Variants in ERG observed in about 807,000 individuals in gnomAD.
ERG encodes the protein transcriptional regulator ERG.
In ERG, 9 loss-of-function variants were observed where a neutral mutation model predicts 55.3. That is an observed-to-expected ratio of 0.16 (90% CI 0.10 to 0.28). The LOEUF (loss-of-function observed/expected upper bound fraction) is 0.28, where lower values mean the gene tolerates loss of function less well. Ranked by LOEUF, ERG falls within the 10% of genes least tolerant of loss-of-function variation. The pLI is 1.00. For missense variants in ERG, 434 were observed against 631.6 expected (o/e 0.69, Z 3.35); for synonymous variants, 223 against 237.3 (o/e 0.94, Z 0.55).
chr21:38,617,600 C>T (rs1257764628), intron 1 of ERG, among the ~76,000 whole-genome samples: 1 of 152,184 alleles, frequency 6.6e-6, no homozygotes, highest in African/African-American at 2.4e-5. Flanking sequence ...GCTTGCTTAA[C>T]CTTTCTTCCT....
At chr21:38,504,336 T>G (rs2059444385) in intron 2 of ERG, among the ~76,000 whole-genome samples, 1 of 152,160 alleles carries the variant, frequency 6.6e-6, no homozygotes, top group South Asian at 2.1e-4. Context: ...CGTTCTCAAG[T>G]TTAGGCCAAT....
At chr21:38,632,302 A>ATT (rs1251287329) in intron 1 of ERG, among the ~76,000 whole-genome samples, 1 of 152,236 alleles carries the variant, frequency 6.6e-6, no homozygotes, top group African/African-American at 2.4e-5. Context: ...AAAAATGCAG[A>ATT]TTGAAAACAC....
chr21:38,568,052 C>G (rs551090525), intron 2 of ERG, among the ~76,000 whole-genome samples: 9 of 152,256 alleles, frequency 5.9e-5, no homozygotes, highest in African/African-American at 2.2e-4. Flanking sequence ...CTTCAGTTCA[C>G]TTCTTGGGAA....
chr21:38,515,543 GA>G (rs891265586), intron 2 of ERG, among the ~76,000 whole-genome samples: 26 of 151,996 alleles, frequency 1.7e-4, no homozygotes, highest in African/African-American at 6.3e-4. Flanking sequence ...AAAAATTAAA[GA>G]GGAGAGAATT....
intron 2 of ERG, among the ~76,000 whole-genome samples, chr21:38,561,952 AG>A (rs1240016051): frequency 6.6e-6 from 1 of 152,230 alleles, no homozygotes; most frequent in East Asian, 1.9e-4. Flanking sequence ...AAACACAACC[AG>A]AATTTTGGAA....
At chr21:38,437,719 G>A (rs2058804010) in intron 2 of ERG, among the ~76,000 whole-genome samples, 1 of 152,104 alleles carries the variant, frequency 6.6e-6, no homozygotes, top group Non-Finnish European at 1.5e-5. Context: ...TTTTCCTCAT[G>A]CCATATGTCC....
intron 1 of ERG, among the ~76,000 whole-genome samples, chr21:38,493,580 T>C (rs2059355221): frequency 6.6e-6 from 1 of 152,154 alleles, no homozygotes; most frequent in Admixed American, 6.5e-5. Context: ...AATTCAGGAG[T>C]AAAGAGGAGA....
Position 38,382,660 on chromosome 21 carries a change from C to T in ERG, c.*743G>A. 1 of 1,067,086 alleles carries T rather than the reference C, an allele frequency of 9.4e-7. No individual in the cohort carries two copies. 66.1% of individuals were successfully genotyped at this position (1,067,086 alleles called of 1,614,324 possible). A position where few individuals can be genotyped will look rare whatever the true frequency, so the allele number is the denominator to read the frequency against. Reference sequence around the variant, plus strand: ...ATTGCTTGAGAAGTTTCTTTCCCAGCCCTGGTCTCCTCCTTCTCTGCCTCT... The same window carrying T: ...ATTGCTTGAGAAGTTTCTTTCCCAGTCCTGGTCTCCTCCTTCTCTGCCTCT... On this transcript the variant is annotated 3_prime_UTR_variant, in exon 10 of 10. Coordinates refer to ENST00000288319, the MANE Select transcript of ERG (RefSeq NM_182918.4).
At chr21:38,486,287 G>A (rs11700443) in intron 1 of ERG, among the ~76,000 whole-genome samples, 24,410 of 152,082 alleles carry the variant, frequency 0.16, 2,030 homozygotes, top group Non-Finnish European at 0.18. Context: ...AAACCATTGT[G>A]TTAAGTGTCA....
chr21:38,403,636 G>A lies in ERG; in HGVS notation c.462C>T (p.Asp154=), dbSNP rs17230484. 29,102 of 1,614,068 alleles carry A rather than the reference G, an allele frequency of 0.018. 343 individuals carry two copies. Among genetic ancestry groups the A allele is most frequent in the Middle Eastern group, 0.029 (176 of 6,062 alleles). ...TGTTCTGGAATAACAAGATGTTGAC[G>A]TCTGGAAGGCCATATTCTTTCACCG... ...EWAVKEYGLP[D]VNILLFQNID... The change falls in exon 4 of 10, where the codon GAC becomes GAT. Residue 154 remains aspartate, a synonymous_variant. Coordinates refer to ENST00000288319, the MANE Select transcript of ERG (RefSeq NM_182918.4).
chr21:38,525,761 A>T (rs1454909358), intron 2 of ERG, among the ~76,000 whole-genome samples: 2 of 152,246 alleles, frequency 1.3e-5, no homozygotes, highest in Non-Finnish European at 2.9e-5. Flanking sequence ...TGCAGAAAAG[A>T]GGAAGAAAGC....
In ERG at chr21:38,498,333, T is replaced by G; in HGVS notation, c.18+30A>C. ...AGAAAAGAGTAACAAGAACAAGATT[T>G]TGTCAAATTAAAAGGAACCCTTTCC... On this transcript the variant is annotated intron_variant, in intron 1 of 9. Transcript: ENST00000288319. This position sits in a 1 kb window ranked among gnomAD's most constrained non-coding sequence, Gnocchi z 4.6. The G allele has an allele frequency of 1.3e-6, 2 of 1,594,394 alleles. No individual in the cohort carries two copies. Among genetic ancestry groups the G allele is most frequent in the Non-Finnish European group, 1.7e-6 (2 of 1,163,856 alleles).
At chr21:38,529,342 G>A (rs1019771154) in intron 2 of ERG, among the ~76,000 whole-genome samples, 1 of 152,178 alleles carries the variant, frequency 6.6e-6, no homozygotes, top group Non-Finnish European at 1.5e-5. Flanking sequence ...TGTGAATTAA[G>A]GTGCTGGTGG....
chr21:38,638,266 T>G (rs1200680402), intron 1 of ERG, among the ~76,000 whole-genome samples: 1 of 152,312 alleles, frequency 6.6e-6, no homozygotes, highest in East Asian at 1.9e-4. Context: ...AGTGGGTTGT[T>G]GTGAGGATTT....
At chr21:38,485,755 G>C (rs1356471866) in intron 1 of ERG, among the ~76,000 whole-genome samples, 2 of 151,646 alleles carry the variant, frequency 1.3e-5, no homozygotes, top group African/African-American at 4.9e-5. Context: ...ACCGCGCCTG[G>C]CCAATATACA....
At chr21:38,435,127 C>G (rs1990389187) in intron 2 of ERG, among the ~76,000 whole-genome samples, 2 of 152,174 alleles carry the variant, frequency 1.3e-5, no homozygotes, top group South Asian at 4.1e-4. Flanking sequence ...AGAACCCCCA[C>G]AAGGAGGCTG....
chr21:38,658,595 A>G (rs1337326255), intron 1 of ERG, among the ~76,000 whole-genome samples: 1 of 152,234 alleles, frequency 6.6e-6, no homozygotes, highest in East Asian at 1.9e-4. Flanking sequence ...TTAGAAAAAA[A>G]AAGTGTTGAA....
At chr21:38,471,857 G>C (rs1161005492) in intron 1 of ERG, 1 of 152,142 alleles carries the variant, frequency 6.6e-6, no homozygotes, top group Non-Finnish European at 1.5e-5. Context: ...CCTATTTGTG[G>C]AAAATACGGT....
intron 3 of ERG, among the ~76,000 whole-genome samples, chr21:38,420,508 G>A (rs1477359572): frequency 6.6e-6 from 1 of 152,174 alleles, no homozygotes; most frequent in Non-Finnish European, 1.5e-5. Context: ...CCAAAGAAAG[G>A]AAACAGCCTT....
Sources: allele counts gnomAD v4.1 joint callset (sites outside exome capture counted in the v4.1 genomes callset), GRCh38; gene constraint gnomAD v4.1.1; non-coding constraint Gnocchi (gnomAD v3.1); transcripts MANE v1.5; gene names NCBI Gene and HGNC (gene_info 2026-07-23, HGNC 2026-07-21).